The following ASH1L variants were observed in gnomAD, a reference collection of about 807,000 sequenced individuals.
ASH1L encodes histone-lysine N-methyltransferase ASH1L.
Under a neutral mutation model 269.0 loss-of-function variants are expected in ASH1L, and 23 were observed. That is an observed-to-expected ratio of 0.09 (90% CI 0.06 to 0.12). The LOEUF (loss-of-function observed/expected upper bound fraction) is 0.12, where lower values mean the gene tolerates loss of function less well. Ranked by LOEUF, ASH1L falls within the 10% of genes least tolerant of loss-of-function variation. The pLI is 1.00. For synonymous variants in ASH1L, 1,187 were observed against 1,253.5 expected (o/e 0.95, Z 1.12); for missense variants, 2,912 against 3,567.8 (o/e 0.82, Z 4.68).
intron 4 of ASH1L, among the ~76,000 whole-genome samples, chr1:155,439,807 T>TG (rs1662398475): frequency 1.3e-5 from 2 of 151,950 alleles, no homozygotes; most frequent in South Asian, 4.2e-4. Context: ...TTCTTATCTA[T>TG]ATGACTTTTA....
chr1:155,556,401 C>CCT lies in ASH1L; in HGVS notation c.-100+5751_-100+5752insAG, dbSNP rs1491493444. Among the ~76,000 whole-genome samples, 1,079 of 140,560 alleles carry CCT rather than the reference C, an allele frequency of 7.7e-3. 12 individuals are homozygous for CCT. Among genetic ancestry groups the CCT allele is most frequent in the African/African-American group, 0.027 (1,039 of 37,782 alleles). The allele number at this position is 140,560 out of a possible 152,430, so 92.2% of individuals were successfully genotyped here. A position where few individuals can be genotyped will look rare whatever the true frequency, so the allele number is the denominator to read the frequency against. On this transcript the variant is annotated intron_variant, in intron 1 of 27. Coordinates refer to ENST00000392403, the MANE Select transcript of ASH1L (RefSeq NM_018489.3). The stretch of plus-strand genomic sequence containing the variant: ...ATAAATATAAATATACATATATATA[C>CCT]GTGTGTGTGTGTGTGTGTGTGTGTG...
At chr1:155,535,495 T>C (rs113725281) in intron 1 of ASH1L, among the ~76,000 whole-genome samples, 1,873 of 151,790 alleles carry the variant, frequency 0.012, 46 homozygotes, top group African/African-American at 0.044. Flanking sequence ...AAAAACCAGT[T>C]ATAGGCTGGG....
intron 12 of ASH1L, chr1:155,370,059 AC>A (rs1655800503): frequency 5.6e-6 from 1 of 178,202 alleles, no homozygotes. Flanking sequence ...GAGCCAACAC[AC>A]CCGGCCTATT....
chr1:155,518,343 G>A (rs892727974), intron 2 of ASH1L, among the ~76,000 whole-genome samples: 3 of 152,094 alleles, frequency 2.0e-5, no homozygotes, highest in African/African-American at 7.2e-5. Flanking sequence ...GTGATTTCTA[G>A]GCTATGACAC....
chr1:155,474,457 G>T (rs753663564), intron 3 of ASH1L, among the ~76,000 whole-genome samples: 6 of 152,156 alleles, frequency 3.9e-5, no homozygotes, highest in Non-Finnish European at 7.4e-5. Flanking sequence ...CAGCACTTTG[G>T]GAGGGCAAGG....
At chr1:155,403,864 G>A (rs577698416) in intron 6 of ASH1L, among the ~76,000 whole-genome samples, 3 of 150,744 alleles carry the variant, frequency 2.0e-5, no homozygotes, top group South Asian at 2.1e-4. Context: ...ACTTCCTGCT[G>A]CAGCCAATAA....
At chr1:155,549,991 C>T (rs1480253701) in intron 1 of ASH1L, among the ~76,000 whole-genome samples, 1 of 151,864 alleles carries the variant, frequency 6.6e-6, no homozygotes, top group Admixed American at 6.6e-5. Flanking sequence ...CACTCAACAC[C>T]ACAATCAGCT....
At chr1:155,375,808 AAAG>A (rs1364089693) in intron 10 of ASH1L, among the ~76,000 whole-genome samples, 1 of 151,998 alleles carries the variant, frequency 6.6e-6, no homozygotes, top group Non-Finnish European at 1.5e-5. Flanking sequence ...CAAAAAAAAA[AAAG>A]AAAAATGAGA....
chr1:155,499,602 C>G (rs1012948241), intron 2 of ASH1L, among the ~76,000 whole-genome samples: 1 of 152,118 alleles, frequency 6.6e-6, no homozygotes. Context: ...TCTGATGTCT[C>G]TCAAAAAGCT....
intron 1 of ASH1L, among the ~76,000 whole-genome samples, chr1:155,543,403 T>C (rs1437375395): frequency 2.7e-5 from 4 of 147,410 alleles, no homozygotes; most frequent in Non-Finnish European, 5.9e-5. Context: ...CCCAGCTACT[T>C]AGAGGGTGCA....
chr1:155,365,309 G>A (rs1412344924), intron 12 of ASH1L, among the ~76,000 whole-genome samples: 4 of 151,498 alleles, frequency 2.6e-5, no homozygotes, highest in Admixed American at 6.6e-5. Context: ...GGGTTCAAGC[G>A]ATTCTCCTGC....
chr1:155,455,541 T>C (rs1473225389), intron 4 of ASH1L, among the ~76,000 whole-genome samples: 2 of 152,242 alleles, frequency 1.3e-5, no homozygotes, highest in African/African-American at 4.8e-5. Context: ...AGGTATGGTA[T>C]TCCTTTGACT....
Position 155,562,387 on chromosome 1 carries a change from G to A in ASH1L, c.-334C>T, listed in dbSNP as rs1450873732. On this transcript the variant is annotated 5_prime_UTR_variant, in exon 1 of 28. The change creates a new upstream start codon in the 5' untranslated region. Transcript: ENST00000392403. Reference sequence around the variant, plus strand: ...GGGTCCCGCAACCGAGACTGGGATCGTCTCCCCTCCGCAAAGCGAACCCAA... The same window carrying A: ...GGGTCCCGCAACCGAGACTGGGATCATCTCCCCTCCGCAAAGCGAACCCAA... The A allele has an allele frequency of 6.0e-6, 9 of 1,502,726 alleles. No homozygotes were observed. Among genetic ancestry groups the A allele is most frequent in the Admixed American group, 2.0e-5 (1 of 51,202 alleles). The allele number at this position is 1,502,726 out of a possible 1,614,324, so 93.1% of individuals were successfully genotyped here.
intron 2 of ASH1L, among the ~76,000 whole-genome samples, chr1:155,498,022 G>C (rs1235119110): frequency 1.3e-5 from 2 of 152,126 alleles, no homozygotes; most frequent in African/African-American, 4.8e-5. Flanking sequence ...AAAGTGCTGG[G>C]GTTACAGGCG....
chr1:155,381,066 T>C (rs951402430), intron 7 of ASH1L, among the ~76,000 whole-genome samples: 9 of 152,294 alleles, frequency 5.9e-5, no homozygotes, highest in Admixed American at 1.3e-4. Flanking sequence ...GTCATAACTT[T>C]GCAGTGCAAA....
At chr1:155,427,291 C>T (rs763021656) in intron 5 of ASH1L, among the ~76,000 whole-genome samples, 6 of 151,596 alleles carry the variant, frequency 4.0e-5, no homozygotes, top group African/African-American at 7.3e-5. Flanking sequence ...TGCAGCACCA[C>T]ACCTGGCTAA....
chr1:155,339,601 T>C (rs1652601740), intron 25 of ASH1L, among the ~76,000 whole-genome samples: 1 of 152,188 alleles, frequency 6.6e-6, no homozygotes, highest in African/African-American at 2.4e-5. Flanking sequence ...TCTATCCCAT[T>C]TCACCTTTTA....
At chr1:155,396,560 C>G (rs948445221) in intron 6 of ASH1L, among the ~76,000 whole-genome samples, 4 of 151,930 alleles carry the variant, frequency 2.6e-5, no homozygotes, top group African/African-American at 9.7e-5. Flanking sequence ...GGTGATGCAT[C>G]CGCCTCAGCC....
intron 6 of ASH1L, among the ~76,000 whole-genome samples, chr1:155,415,289 G>A (rs1660114382): frequency 6.6e-6 from 1 of 151,460 alleles, no homozygotes; most frequent in Admixed American, 6.6e-5. Flanking sequence ...GGCTGAGGTA[G>A]GAGAATGGCG....
Sources: allele counts gnomAD v4.1 joint callset (sites outside exome capture counted in the v4.1 genomes callset), GRCh38; gene constraint gnomAD v4.1.1; transcripts MANE v1.5; gene names NCBI Gene and HGNC (gene_info 2026-07-23, HGNC 2026-07-21).